The following FAM193A variants were observed in gnomAD, a reference collection of about 807,000 sequenced individuals.
The protein encoded by FAM193A is protein FAM193A.
FAM193A carries 22 observed loss-of-function variants against 126.5 expected under a neutral mutation model. The observed-to-expected ratio is 0.17, with a 90% CI of 0.12 to 0.25. FAM193A has a LOEUF of 0.25. Among genes scored for constraint, FAM193A ranks in the 10% least tolerant of loss-of-function variants. The probability of loss-of-function intolerance (pLI) is 1.00; values close to 1 mark genes in which losing one functional copy is unlikely to be tolerated. For synonymous variants in FAM193A, 761 were observed against 646.8 expected (o/e 1.18, Z -2.68); for missense variants, 1,675 against 1,672.8 (o/e 1.00, Z -0.02).
At chr4:2,565,551 C>T (rs1031466554) in intron 1 of FAM193A, among the ~76,000 whole-genome samples, 5 of 151,736 alleles carry the variant, frequency 3.3e-5, no homozygotes, top group African/African-American at 7.3e-5. Flanking sequence ...CCACCGTGCT[C>T]AGCCAGAGTA....
chr4:2,601,912 C>T (rs1741221784), intron 2 of FAM193A, among the ~76,000 whole-genome samples: 1 of 152,046 alleles, frequency 6.6e-6, no homozygotes, highest in African/African-American at 2.4e-5. Context: ...GATCTTGGCT[C>T]ACTGTAACCT....
At chr4:2,556,043 T>C (rs1021596794) in intron 1 of FAM193A, among the ~76,000 whole-genome samples, 7 of 151,190 alleles carry the variant, frequency 4.6e-5, no homozygotes, top group African/African-American at 1.7e-4. Context: ...ATTACAGGCA[T>C]GTGCCACCAC....
At chr4:2,693,969 A>G in intron 16 of FAM193A, 95 bp downstream of exon 16, 2 of 1,321,546 alleles carry the variant, frequency 1.5e-6, no homozygotes, top group African/African-American at 1.5e-5. Flanking sequence ...GGGACCATGC[A>G]GTGGAAAAGT....
At chr4:2,624,493 G>T (rs1159004970) in intron 2 of FAM193A, among the ~76,000 whole-genome samples, 1 of 152,124 alleles carries the variant, frequency 6.6e-6, no homozygotes, top group Non-Finnish European at 1.5e-5. Context: ...GGCAGTGCAG[G>T]CTATGGGATT....
At chr4:2,555,548 G>T (rs1468805629) in intron 1 of FAM193A, among the ~76,000 whole-genome samples, 3 of 152,222 alleles carry the variant, frequency 2.0e-5, no homozygotes, top group African/African-American at 4.8e-5. Context: ...GGAGGCCAAG[G>T]CAGGAGGATC....
chr4:2,690,966 A>C lies in FAM193A; in HGVS notation c.2799A>C (p.Ser933=). ...GAGTGTCATCCAAGAGACCTCCTTC[A>C]GTAGGTAAGGCTTGAAGGCTCACTG... ...QFRVSSKRPP[S]VGDVFHGISK... The change falls in exon 15 of 21, where the codon TCA becomes TCC. Residue 933 remains serine, a synonymous_variant. Coordinates refer to ENST00000637812, the MANE Select transcript of FAM193A (RefSeq NM_001366318.2). 6.2e-7 allele frequency: 1 copy of C among 1,612,208 alleles called. No individual in the cohort carries two copies. Among genetic ancestry groups the C allele is most frequent in the Non-Finnish European group, 8.5e-7 (1 of 1,178,584 alleles).
chr4:2,644,290 T>C (rs537499366), intron 6 of FAM193A, among the ~76,000 whole-genome samples: 1 of 152,322 alleles, frequency 6.6e-6, no homozygotes, highest in South Asian at 2.1e-4. Context: ...GATAAATTCT[T>C]ACTTCCAGGA....
intron 20 of FAM193A, among the ~76,000 whole-genome samples, chr4:2,726,281 C>T (rs548599928): frequency 5.3e-5 from 8 of 152,320 alleles, no homozygotes; most frequent in African/African-American, 1.4e-4. Flanking sequence ...TTCAAGTGAT[C>T]TATCTGCCTC....
chr4:2,687,126 G>T (rs1056285371), intron 13 of FAM193A, among the ~76,000 whole-genome samples: 1 of 151,980 alleles, frequency 6.6e-6, no homozygotes, highest in African/African-American at 2.4e-5. Context: ...CAGTGGACTC[G>T]CTGAGCTGTC....
At chr4:2,698,298 G>C (rs1434273708) in intron 18 of FAM193A, among the ~76,000 whole-genome samples, 1 of 152,210 alleles carries the variant, frequency 6.6e-6, no homozygotes, top group African/African-American at 2.4e-5. Flanking sequence ...GCTGGATTTA[G>C]ATCAGCTCTG....
chr4:2,657,075 C>G (rs1232492319), intron 7 of FAM193A, among the ~76,000 whole-genome samples: 2 of 152,092 alleles, frequency 1.3e-5, no homozygotes, highest in African/African-American at 4.8e-5. Flanking sequence ...GGCTGAAGCA[C>G]AAGAATCGCT....
At chr4:2,581,255 CTTT>C (rs34915273) in intron 1 of FAM193A, among the ~76,000 whole-genome samples, 3 of 135,878 alleles carry the variant, frequency 2.2e-5, no homozygotes, top group Admixed American at 7.4e-5. Flanking sequence ...TTCTTTCTTT[CTTT>C]TTTTTTTTTT....
chr4:2,662,547 G>A (rs573032537), intron 10 of FAM193A, among the ~76,000 whole-genome samples: 7 of 152,296 alleles, frequency 4.6e-5, no homozygotes, highest in East Asian at 3.9e-4. Context: ...AAATGGAAAC[G>A]TTAATCAGTC....
Position 2,680,635 on chromosome 4 carries a change from C to A in FAM193A, c.2331+8263C>A, listed in dbSNP as rs146063092. 2.5e-3 allele frequency among the ~76,000 whole-genome samples: 373 copies of A among 152,042 alleles called. 2 individuals carry two copies. The highest frequency in any genetic ancestry group is 8.6e-3 in the African/African-American group (354 of 41,378). ...TATAGGCATGAGTTACCAAGCCCAGCCAATACTTACTTACTTTTTTTTTTG... is the reference window on the plus strand; with the variant it reads ...TATAGGCATGAGTTACCAAGCCCAGACAATACTTACTTACTTTTTTTTTTG... On this transcript the variant is annotated intron_variant, in intron 13 of 20. Coordinates refer to ENST00000637812, the MANE Select transcript of FAM193A (RefSeq NM_001366318.2).
chr4:2,594,985 C>T (rs781301345), intron 1 of FAM193A, among the ~76,000 whole-genome samples: 5 of 151,474 alleles, frequency 3.3e-5, no homozygotes, highest in East Asian at 1.9e-4. Context: ...CACACCACCA[C>T]GCCCAGCTAA....
intron 18 of FAM193A, among the ~76,000 whole-genome samples, chr4:2,698,227 G>A (rs1189396365): frequency 1.3e-5 from 2 of 152,242 alleles, no homozygotes; most frequent in Non-Finnish European, 1.5e-5. Flanking sequence ...CGTTCTGCTG[G>A]AGACCAGGGC....
chr4:2,732,280 A>T lies in FAM193A; in HGVS notation c.*412A>T, dbSNP rs1721488785. Reference sequence around the variant, plus strand: ...CTCCTGTGCCCCTGCGTCTCACCCTAGGCGGGCTGGGCGGGGCAGGCCTCC... The same window carrying T: ...CTCCTGTGCCCCTGCGTCTCACCCTTGGCGGGCTGGGCGGGGCAGGCCTCC... On this transcript the variant is annotated 3_prime_UTR_variant, in exon 21 of 21. Transcript: ENST00000637812. The T allele has an allele frequency of 4.7e-6, 1 of 210,744 alleles. No homozygotes were observed. The highest frequency in any genetic ancestry group is 9.7e-6 in the Non-Finnish European group (1 of 102,834). The allele number at this position is 210,744 out of a possible 1,614,324, so 13.1% of individuals were successfully genotyped here. A position where few individuals can be genotyped will look rare whatever the true frequency, so the allele number is the denominator to read the frequency against.
chr4:2,664,938 C>T (rs1015288888), intron 12 of FAM193A, among the ~76,000 whole-genome samples: 1 of 152,118 alleles, frequency 6.6e-6, no homozygotes, highest in African/African-American at 2.4e-5. Context: ...ATCTACTTGT[C>T]AACTACAAAA....
intron 2 of FAM193A, among the ~76,000 whole-genome samples, chr4:2,601,199 T>C (rs1021302898): frequency 1.3e-5 from 2 of 151,596 alleles, no homozygotes; most frequent in Non-Finnish European, 2.9e-5. Context: ...ACCTGATTTG[T>C]AGATTTGACT....
Sources: allele counts gnomAD v4.1 joint callset (sites outside exome capture counted in the v4.1 genomes callset), GRCh38; gene constraint gnomAD v4.1.1; transcripts MANE v1.5; gene names NCBI Gene and HGNC (gene_info 2026-07-23, HGNC 2026-07-21).